The following CACNA2D3 variants were observed in gnomAD, a reference collection of about 807,000 sequenced individuals.
The protein encoded by CACNA2D3 is voltage-dependent calcium channel subunit alpha-2/delta-3.
Under a neutral mutation model 160.6 loss-of-function variants are expected in CACNA2D3, and 60 were observed. The observed-to-expected ratio is 0.37, with a 90% CI of 0.30 to 0.46. The LOEUF is 0.46. CACNA2D3 is among the 20% of genes least tolerant of loss of function. CACNA2D3 has a pLI of 1.00. For synonymous variants in CACNA2D3, 558 were observed against 492.9 expected (o/e 1.13, Z -1.75); for missense variants, 1,205 against 1,365.0 (o/e 0.88, Z 1.85).
chr3:54,882,306 A>C (rs1031267063), intron 21 of CACNA2D3, among the ~76,000 whole-genome samples: 7 of 152,214 alleles, frequency 4.6e-5, no homozygotes, highest in Non-Finnish European at 8.8e-5. Flanking sequence ...ATTAAGAGAT[A>C]TTAACTGCCT....
intron 4 of CACNA2D3, among the ~76,000 whole-genome samples, chr3:54,411,867 T>A (rs942105772): frequency 6.6e-6 from 1 of 152,246 alleles, no homozygotes; most frequent in Non-Finnish European, 1.5e-5. Context: ...CACAAACTGC[T>A]GCTTAACTAC....
chr3:54,127,731 G>A (rs990993916), intron 2 of CACNA2D3, among the ~76,000 whole-genome samples: 9 of 152,288 alleles, frequency 5.9e-5, no homozygotes, highest in African/African-American at 2.2e-4. Context: ...TCTCTGAAGT[G>A]ACAGTTTTTA....
At chr3:54,600,863 G>A (rs530150330) in intron 9 of CACNA2D3, among the ~76,000 whole-genome samples, 1 of 151,980 alleles carries the variant, frequency 6.6e-6, no homozygotes, top group South Asian at 2.1e-4. Flanking sequence ...AGCCATCCCT[G>A]TCATGACACT....
intron 13 of CACNA2D3, among the ~76,000 whole-genome samples, chr3:54,813,863 C>CTT (rs10699574): frequency 0.044 from 5,394 of 121,524 alleles, 486 homozygotes; most frequent in African/African-American, 0.15. Context: ...TTATAATATT[C>CTT]TTTTTTTTTT....
At chr3:54,461,135 C>T (rs1268956091) in intron 4 of CACNA2D3, among the ~76,000 whole-genome samples, 1 of 152,078 alleles carries the variant, frequency 6.6e-6, no homozygotes, top group Non-Finnish European at 1.5e-5. Context: ...CCCACTTGAT[C>T]ATGGTGGATA....
intron 4 of CACNA2D3, among the ~76,000 whole-genome samples, chr3:54,441,126 C>T (rs1700138345): frequency 6.6e-6 from 1 of 152,182 alleles, no homozygotes; most frequent in Admixed American, 6.5e-5. Flanking sequence ...GTTCCTATTT[C>T]TCCACATCTT....
chr3:54,474,138 G>A (rs1700786113), intron 4 of CACNA2D3, among the ~76,000 whole-genome samples: 1 of 152,088 alleles, frequency 6.6e-6, no homozygotes, highest in Non-Finnish European at 1.5e-5. Context: ...GCAAAGACTT[G>A]GAACCAACCC....
chr3:54,439,640 G>A (rs999669416), intron 4 of CACNA2D3, among the ~76,000 whole-genome samples: 9 of 152,126 alleles, frequency 5.9e-5, no homozygotes, highest in African/African-American at 2.2e-4. Flanking sequence ...CTGTGTTTTC[G>A]TGGTGCTACC....
In CACNA2D3 at chr3:54,427,157, G is replaced by A. The variant is rs530914352; in HGVS notation, c.381+40383G>A. 6.6e-5 allele frequency among the ~76,000 whole-genome samples: 10 copies of A among 152,282 alleles called. No individual in the cohort carries two copies. The East Asian group carries it at 1.7e-3, about 26-fold the overall frequency. On this transcript the variant is annotated intron_variant, in intron 4 of 37. Coordinates refer to ENST00000474759, the MANE Select transcript of CACNA2D3 (RefSeq NM_018398.3). ...TGTTTACTTGGGCGTGAACTGGGATGCCCTCTGCCTGGTCATTTGGTGTTG... is the reference window on the plus strand; with the variant it reads ...TGTTTACTTGGGCGTGAACTGGGATACCCTCTGCCTGGTCATTTGGTGTTG...
intron 27 of CACNA2D3, among the ~76,000 whole-genome samples, chr3:54,901,527 T>C (rs1700332780): frequency 6.6e-6 from 1 of 152,004 alleles, no homozygotes; most frequent in Non-Finnish European, 1.5e-5. Flanking sequence ...TATTGTCGAG[T>C]TGCATCGCTG....
rs532612875 is a variant in CACNA2D3, at chr3:54,932,942, T to G, written c.2449+33074T>G. Among the ~76,000 whole-genome samples the G allele has an allele frequency of 4.6e-5, 7 of 152,326 alleles. No individual in the cohort carries two copies. The East Asian group carries it at 1.4e-3, about 29-fold the overall frequency. ...TTTGACATTGGAGGCATGTGGATAA[T>G]AGTGAAAATAGTTTCCTAGGAATTG... On this transcript the variant is annotated intron_variant, in intron 27 of 37. Coordinates refer to ENST00000474759, the MANE Select transcript of CACNA2D3 (RefSeq NM_018398.3).
intron 12 of CACNA2D3, among the ~76,000 whole-genome samples, chr3:54,752,963 C>G (rs2107070509): frequency 6.6e-6 from 1 of 151,604 alleles, no homozygotes; most frequent in Admixed American, 6.6e-5. Context: ...CGAGTTCAAG[C>G]AGTTCTTGTG....
chr3:54,134,262 C>T (rs752735524), intron 2 of CACNA2D3, among the ~76,000 whole-genome samples: 1 of 152,062 alleles, frequency 6.6e-6, no homozygotes, highest in Non-Finnish European at 1.5e-5. Context: ...CCTGTGAACC[C>T]CTTATCTCCT....
At chr3:54,615,820 G>A (rs1169444388) in intron 9 of CACNA2D3, among the ~76,000 whole-genome samples, 1 of 152,188 alleles carries the variant, frequency 6.6e-6, no homozygotes, top group Non-Finnish European at 1.5e-5. Context: ...CTGCACAGCA[G>A]GAGGTAAGTA....
At chr3:54,785,887 C>T (rs1208608572) in intron 13 of CACNA2D3, among the ~76,000 whole-genome samples, 1 of 152,152 alleles carries the variant, frequency 6.6e-6, no homozygotes, top group Non-Finnish European at 1.5e-5. Flanking sequence ...AATGTGCCAT[C>T]TACCCTGTCT....
chr3:54,211,186 A>G (rs1335644985), intron 2 of CACNA2D3, among the ~76,000 whole-genome samples: 2 of 151,876 alleles, frequency 1.3e-5, no homozygotes, highest in Non-Finnish European at 2.9e-5. Context: ...TTTTTTTTTA[A>G]CATGTGATAG....
intron 2 of CACNA2D3, among the ~76,000 whole-genome samples, chr3:54,269,965 A>G (rs1702588867): frequency 6.6e-6 from 1 of 152,190 alleles, no homozygotes; most frequent in African/African-American, 2.4e-5. Flanking sequence ...TATTTAGCAG[A>G]TTTTGGCCCT....
intron 27 of CACNA2D3, among the ~76,000 whole-genome samples, chr3:54,940,931 G>A (rs933367264): frequency 2.3e-4 from 35 of 152,088 alleles, no homozygotes; most frequent in Non-Finnish European, 1.0e-4. Context: ...CATAAATGCC[G>A]ATCCTCTTAA....
At chr3:54,366,709 C>A (rs2107545558) in intron 3 of CACNA2D3, among the ~76,000 whole-genome samples, 1 of 152,362 alleles carries the variant, frequency 6.6e-6, no homozygotes, top group Admixed American at 6.5e-5. Flanking sequence ...TTGGAAATCA[C>A]TGGCTTAAAT....
Sources: gnomAD v4.1 joint callset for allele counts (sites outside exome capture counted in the v4.1 genomes callset) on GRCh38, gnomAD v4.1.1 for gene constraint, MANE v1.5 for transcripts, NCBI Gene and HGNC (gene_info 2026-07-23, HGNC 2026-07-21) for gene names.